PRPS2: variants seen among roughly 807,000 people sequenced by gnomAD.
PRPS2 encodes the protein phosphoribosyl pyrophosphate synthetase 2.
For synonymous variants in PRPS2, 111 were observed against 115.3 expected (o/e 0.96, Z 0.24); for missense variants, 104 against 271.5 (o/e 0.38, Z 4.34).
intron 4 of PRPS2, among the ~76,000 whole-genome samples, chrX:12,810,880 G>C (rs2042620689): frequency 9.1e-6 from 1 of 110,038 alleles, no homozygotes; most frequent in Non-Finnish European, 1.9e-5. Flanking sequence ...AGAAGAAGAA[G>C]AGAAGAGGGC....
intron 1 of PRPS2, among the ~76,000 whole-genome samples, chrX:12,797,591 A>G (rs1331825207): frequency 9.0e-6 from 1 of 111,525 alleles, no homozygotes; most frequent in Non-Finnish European, 1.9e-5. Flanking sequence ...GAGGTTGTGC[A>G]TAAGAAAACA....
chrX:12,808,687 C>T (rs181645728), intron 2 of PRPS2, among the ~76,000 whole-genome samples: 71 of 112,269 alleles, frequency 6.3e-4, no homozygotes, highest in Admixed American at 4.7e-3. Context: ...GTCCAAATGT[C>T]GGCTCATGAA....
Position 12,822,739 on chromosome X carries a change from C to A in PRPS2, c.900C>A (p.Ile300=). The change falls in exon 7 of 7, where the codon ATC becomes ATA. Residue 300 remains isoleucine, a synonymous_variant. Coordinates refer to ENST00000380668, the MANE Select transcript of PRPS2 (RefSeq NM_002765.5). ...IDISMILAEA[I]RRTHNGESVS... ...TTTCCATGATCTTGGCCGAAGCAAT[C>A]CGAAGGACACACAATGGGGAATCCG... 1 of 1,211,925 alleles carries A rather than the reference C, an allele frequency of 8.3e-7. No homozygotes were observed. Among genetic ancestry groups the A allele is most frequent in the Non-Finnish European group, 1.1e-6 (1 of 895,450 alleles).
At chrX:12,808,072 T>A (rs1300963990) in intron 2 of PRPS2, among the ~76,000 whole-genome samples, 1 of 110,806 alleles carries the variant, frequency 9.0e-6, no homozygotes, top group Non-Finnish European at 1.9e-5. Flanking sequence ...TTTCACCATG[T>A]TAGCCAGGAT....
intron 4 of PRPS2, among the ~76,000 whole-genome samples, chrX:12,818,320 A>G (rs969342183): frequency 1.0e-5 from 1 of 98,576 alleles, no homozygotes; most frequent in Non-Finnish European, 2.0e-5. Flanking sequence ...GTGAGCCGAG[A>G]TTGTGCCATT....
intron 2 of PRPS2, among the ~76,000 whole-genome samples, chrX:12,806,199 T>C (rs913733628): frequency 2.7e-5 from 3 of 112,199 alleles, no homozygotes; most frequent in Non-Finnish European, 5.6e-5. Context: ...ATTTTCAAGA[T>C]CATGTTCTGT....
intron 1 of PRPS2, among the ~76,000 whole-genome samples, chrX:12,797,904 G>A (rs1178555104): frequency 8.9e-6 from 1 of 112,538 alleles, no homozygotes; most frequent in Non-Finnish European, 1.9e-5. Context: ...GCTACGCAAG[G>A]ATGCCAACCA....
rs181969644 is a variant in PRPS2 at position 12,818,506 on chromosome X, A to G, written c.531-1001A>G. Among the ~76,000 whole-genome samples, 20 of 110,628 alleles carry G rather than the reference A, an allele frequency of 1.8e-4. No homozygotes were observed. In the East Asian group the frequency reaches 4.8e-3, roughly 27 times the overall value. The stretch of plus-strand genomic sequence containing the variant: ...CCAGAGAGTGTCCCCTCTGTCCTTC[A>G]TCAGAGCACGCGAGGAGCTCCATTC... On this transcript the variant is annotated intron_variant, in intron 4 of 6. Coordinates refer to ENST00000380668, the MANE Select transcript of PRPS2 (RefSeq NM_002765.5).
intron 1 of PRPS2, among the ~76,000 whole-genome samples, chrX:12,794,455 T>C (rs62589391): frequency 0.14 from 15,586 of 111,465 alleles, 845 homozygotes; most frequent in Non-Finnish European, 0.17. Flanking sequence ...ATTTCTGTCA[T>C]ATGCTGTTGG....
At chrX:12,807,037 C>G (rs965398932) in intron 2 of PRPS2, among the ~76,000 whole-genome samples, 1 of 111,195 alleles carries the variant, frequency 9.0e-6, no homozygotes, top group Admixed American at 9.6e-5. Flanking sequence ...GCCAGGGCAA[C>G]AAGAGCGAAA....
At chrX:12,814,086 T>C (rs1398595253) in intron 4 of PRPS2, among the ~76,000 whole-genome samples, 2 of 98,659 alleles carry the variant, frequency 2.0e-5, no homozygotes, top group African/African-American at 7.6e-5. Context: ...CTCTACTGTC[T>C]AGTTTTTCCA....
intron 1 of PRPS2, among the ~76,000 whole-genome samples, chrX:12,795,101 A>G (rs2042537017): frequency 9.0e-6 from 1 of 111,101 alleles, no homozygotes; most frequent in East Asian, 2.8e-4. Context: ...CAATGTCAGC[A>G]ACAAAATGTT....
intron 1 of PRPS2, among the ~76,000 whole-genome samples, chrX:12,796,294 C>T (rs1238250056): frequency 9.9e-6 from 1 of 100,520 alleles, no homozygotes; most frequent in Non-Finnish European, 2.0e-5. Context: ...GATCCCAGCT[C>T]ACTGCAAGCT....
intron 1 of PRPS2, among the ~76,000 whole-genome samples, chrX:12,792,378 C>CT (rs774828162): frequency 8.9e-6 from 1 of 112,301 alleles, no homozygotes; most frequent in South Asian, 3.7e-4. Flanking sequence ...AGATGATGGA[C>CT]TTTCAGCTTC....
At chrX:12,799,985 G>A (rs866115313) in intron 2 of PRPS2, among the ~76,000 whole-genome samples, 2 of 112,198 alleles carry the variant, frequency 1.8e-5, no homozygotes, top group South Asian at 7.4e-4. Context: ...CATCAGAGGA[G>A]GCTCTGTGAG....
In PRPS2 at chrX:12,809,950, T is replaced by G. The variant is rs1338861840; in HGVS notation, c.406-72T>G. The G allele has an allele frequency of 1.4e-5, 15 of 1,078,902 alleles. No homozygotes were observed. In the African/African-American group the frequency reaches 3.0e-4, roughly 22 times the overall value. 88.9% of individuals were successfully genotyped at this position (1,078,902 alleles called of 1,213,427 possible). A position where few individuals can be genotyped will look rare whatever the true frequency, so the allele number is the denominator to read the frequency against. On this transcript the variant is annotated intron_variant, in intron 3 of 6. Transcript: ENST00000380668. ...GCAAATGTTATTTAATGAAAGCGAT[T>G]ATCGTTTAAAAAAACAAAAGAAAAC...
chrX:12,801,862 G>A (rs1266540147), intron 2 of PRPS2, among the ~76,000 whole-genome samples: 1 of 112,354 alleles, frequency 8.9e-6, no homozygotes, highest in African/African-American at 3.2e-5. Context: ...GCCCGCCTTG[G>A]CCTCCCAAAG....
chrX:12,815,666 T>A (rs1283772171), intron 4 of PRPS2, among the ~76,000 whole-genome samples: 1 of 111,517 alleles, frequency 9.0e-6, no homozygotes. Context: ...TTTTTTGAGA[T>A]GGAGTCTCGC....
In PRPS2 at chrX:12,810,900, G is replaced by A. The variant is rs772010508; in HGVS notation, c.530+754G>A. On this transcript the variant is annotated intron_variant, in intron 4 of 6. Transcript: ENST00000380668. Reference sequence around the variant, plus strand: ...AAGAAGAGAAGAGGGCTGAAGGCCAGATTTCTAGCCAAAAGCCAGGGGGAA... The same window carrying A: ...AAGAAGAGAAGAGGGCTGAAGGCCAAATTTCTAGCCAAAAGCCAGGGGGAA... 2.7e-5 allele frequency among the ~76,000 whole-genome samples: 3 copies of A among 111,055 alleles called. No homozygotes were observed. The South Asian group carries it at 1.2e-3, about 43-fold the overall frequency.
Sources: allele counts gnomAD v4.1 joint callset (sites outside exome capture counted in the v4.1 genomes callset), GRCh38; gene constraint gnomAD v4.1.1; transcripts MANE v1.5; gene names NCBI Gene and HGNC (gene_info 2026-07-23, HGNC 2026-07-21).